Variants in EYS observed in about 807,000 individuals in gnomAD.
EYS encodes the protein protein eyes shut homolog.
EYS carries 250 observed loss-of-function variants against 282.1 expected under a neutral mutation model. That is an observed-to-expected ratio of 0.89 (90% CI 0.80 to 0.98). The LOEUF (loss-of-function observed/expected upper bound fraction) is 0.98, where lower values mean the gene tolerates loss of function less well. Ranked by LOEUF, EYS falls within the 50% of genes least tolerant of loss-of-function variation. The pLI is 0.00. For missense variants in EYS, 4,016 were observed against 3,709.0 expected (o/e 1.08, Z -2.15); for synonymous variants, 1,355 against 1,282.9 (o/e 1.06, Z -1.20).
intron 21 of EYS, among the ~76,000 whole-genome samples, chr6:64,819,804 T>C (rs1764846657): frequency 6.6e-6 from 1 of 151,876 alleles, no homozygotes; most frequent in African/African-American, 2.4e-5. Context: ...AAGATTTGCA[T>C]TTTTTCAGAA....
At chr6:65,164,528 T>C (rs944311245) in intron 12 of EYS, among the ~76,000 whole-genome samples, 2 of 151,440 alleles carry the variant, frequency 1.3e-5, no homozygotes, top group African/African-American at 4.8e-5. Flanking sequence ...TTATGAAATA[T>C]TGTTTTATCA....
chr6:63,954,085 G>T (rs1354458115), intron 35 of EYS, among the ~76,000 whole-genome samples: 1 of 152,098 alleles, frequency 6.6e-6, no homozygotes, highest in Non-Finnish European at 1.5e-5. Flanking sequence ...AATTACCATT[G>T]TTCCTGGTCC....
rs1423923578 is a variant in EYS, at chr6:63,964,771, T to C, written c.7055+19612A>G. Among the ~76,000 whole-genome samples the C allele has an allele frequency of 5.3e-5, 8 of 152,154 alleles. No homozygotes were observed. In the East Asian group the frequency reaches 1.5e-3, roughly 29 times the overall value. ...TCATACTTTCCTCTTGTTAGTACAA[T>C]TAAAACAACAACCAGTTCCTTTATT... On this transcript the variant is annotated intron_variant, in intron 35 of 42. Coordinates refer to ENST00000503581, the MANE Select transcript of EYS (RefSeq NM_001142800.2).
At chr6:64,520,829 T>G (rs1455767027) in intron 26 of EYS, among the ~76,000 whole-genome samples, 1 of 151,756 alleles carries the variant, frequency 6.6e-6, no homozygotes, top group African/African-American at 2.4e-5. Context: ...CTTAAAACTC[T>G]CAGAACTCTG....
intron 12 of EYS, among the ~76,000 whole-genome samples, chr6:65,231,486 T>C (rs1351292228): frequency 6.6e-6 from 1 of 151,642 alleles, no homozygotes. Context: ...TATGAAATAA[T>C]ACATTGTGTT....
At chr6:65,125,096 G>A (rs897829809) in intron 12 of EYS, among the ~76,000 whole-genome samples, 2 of 152,180 alleles carry the variant, frequency 1.3e-5, no homozygotes, top group Non-Finnish European at 2.9e-5. Flanking sequence ...AGCCTAAGGG[G>A]CAGAAAGGCC....
intron 39 of EYS, among the ~76,000 whole-genome samples, chr6:63,781,827 C>T (rs896160384): frequency 3.5e-4 from 53 of 152,122 alleles, no homozygotes; most frequent in African/African-American, 1.2e-3. Context: ...TATCTTGTGC[C>T]GGTTTTCAAA....
intron 22 of EYS, among the ~76,000 whole-genome samples, chr6:64,769,403 T>C (rs1222621176): frequency 6.6e-6 from 1 of 152,026 alleles, no homozygotes; most frequent in Middle Eastern, 3.2e-3. Context: ...TATAATTTTA[T>C]ATAATTTTCA....
At chr6:65,567,776 T>C (rs2127349864) in intron 2 of EYS, among the ~76,000 whole-genome samples, 1 of 152,278 alleles carries the variant, frequency 6.6e-6, no homozygotes, top group Admixed American at 6.5e-5. Context: ...GTTTCTTTTC[T>C]AAGCTAGTTA....
chr6:64,962,170 C>A lies in EYS; in HGVS notation c.2260-16256G>T, dbSNP rs983257106. On this transcript the variant is annotated intron_variant, in intron 14 of 42. Transcript: ENST00000503581. ...TTCTCAGTATTTCTCGGTTAGCACA[C>A]TTGCTTTCTAGCCATTAGTTCTTTC... 1.9e-4 allele frequency among the ~76,000 whole-genome samples: 29 copies of A among 152,124 alleles called. 1 individual carries two copies. Among genetic ancestry groups the A allele is most frequent in the African/African-American group, 6.8e-4 (28 of 41,418 alleles).
At chr6:65,399,276 G>A (rs971487086) in intron 7 of EYS, among the ~76,000 whole-genome samples, 1 of 151,902 alleles carries the variant, frequency 6.6e-6, no homozygotes, top group African/African-American at 2.4e-5. Flanking sequence ...TTTACTTAGA[G>A]TAGGAAAGTT....
At chr6:65,487,797 C>T (rs1057391566) in intron 5 of EYS, among the ~76,000 whole-genome samples, 6 of 149,578 alleles carry the variant, frequency 4.0e-5, no homozygotes, top group East Asian at 1.9e-4. Context: ...GTGAATCCAT[C>T]GGGACCTGGA....
At chr6:65,559,844 A>G (rs1475983094) in intron 2 of EYS, among the ~76,000 whole-genome samples, 1 of 151,790 alleles carries the variant, frequency 6.6e-6, no homozygotes, top group Non-Finnish European at 1.5e-5. Flanking sequence ...TTTGATGTAT[A>G]TTTTAGCTTG....
chr6:64,802,118 C>T (rs1583173115), intron 22 of EYS, among the ~76,000 whole-genome samples: 2 of 143,394 alleles, frequency 1.4e-5, no homozygotes, highest in East Asian at 4.2e-4. Context: ...ACTGCAAGCT[C>T]CTCCTCCCAG....
chr6:65,661,158 G>A (rs1562314969), intron 1 of EYS, among the ~76,000 whole-genome samples: 2 of 151,872 alleles, frequency 1.3e-5, no homozygotes, highest in South Asian at 2.1e-4. Context: ...CCAAAGGAAT[G>A]TTTAGATCCT....
chr6:64,441,341 G>T (rs1774939145), intron 26 of EYS, among the ~76,000 whole-genome samples: 1 of 152,142 alleles, frequency 6.6e-6, no homozygotes, highest in South Asian at 2.1e-4. Flanking sequence ...TCCACTCAGG[G>T]GATGTCAAAA....
At chr6:65,249,818 T>G (rs57518160) in intron 12 of EYS, among the ~76,000 whole-genome samples, 4,071 of 152,142 alleles carry the variant, frequency 0.027, 167 homozygotes, top group African/African-American at 0.091. Flanking sequence ...GGAGAAATAA[T>G]GTACAACTTA....
intron 22 of EYS, among the ~76,000 whole-genome samples, chr6:64,706,034 C>T (rs1255574696): frequency 3.4e-5 from 5 of 145,378 alleles, no homozygotes; most frequent in East Asian, 2.0e-4. Context: ...AAAAAAAGCA[C>T]AAATCTGGAG....
chr6:64,264,142 A>G (rs192336190), intron 30 of EYS, among the ~76,000 whole-genome samples: 2 of 152,246 alleles, frequency 1.3e-5, no homozygotes, highest in Admixed American at 1.3e-4. Context: ...GGTAATGGGA[A>G]GGCTGCTTAG....
Sources: allele counts gnomAD v4.1 joint callset (sites outside exome capture counted in the v4.1 genomes callset), GRCh38; gene constraint gnomAD v4.1.1; transcripts MANE v1.5; gene names NCBI Gene and HGNC (gene_info 2026-07-23, HGNC 2026-07-21).